The following LMAN2L variants were observed in gnomAD, a reference collection of about 807,000 sequenced individuals.
The protein encoded by LMAN2L is VIP36-like protein.
A neutral mutation model predicts 44.3 loss-of-function variants in LMAN2L; 30 were observed. That is an observed-to-expected ratio of 0.68 (90% confidence interval 0.51 to 0.92). The LOEUF (loss-of-function observed/expected upper bound fraction) is 0.92. Among genes scored for constraint, LMAN2L ranks in the 40% least tolerant of loss-of-function variants. The pLI, the probability that LMAN2L is intolerant of heterozygous loss-of-function variation, is 0.00. For synonymous variants in LMAN2L, 183 were observed against 171.1 expected (o/e 1.07, Z -0.54); for missense variants, 429 against 446.1 (o/e 0.96, Z 0.35).
At chr2:96,710,184 GA>G (rs1303462412) in intron 6 of LMAN2L, among the ~76,000 whole-genome samples, 1 of 152,190 alleles carries the variant, frequency 6.6e-6, no homozygotes, top group Non-Finnish European at 1.5e-5. Context: ...TGCAAAGGGG[GA>G]TAATAAGGCT....
chr2:96,708,219 C>G (rs1039595701), intron 6 of LMAN2L, among the ~76,000 whole-genome samples: 1 of 152,240 alleles, frequency 6.6e-6, no homozygotes, highest in African/African-American at 2.4e-5. Flanking sequence ...GGCTGGGCAG[C>G]AGCAGTGAGC....
chr2:96,739,810 G>A, intron 1 of LMAN2L, 44 bp downstream of exon 1: 1 of 1,597,520 alleles, frequency 6.3e-7, no homozygotes, highest in South Asian at 1.1e-5. Context: ...ATCAAGTCCC[G>A]AAGCCCGCCC....
intron 4 of LMAN2L, among the ~76,000 whole-genome samples, chr2:96,724,138 A>G (rs889664147): frequency 2.0e-5 from 3 of 152,118 alleles, no homozygotes; most frequent in Non-Finnish European, 4.4e-5. Context: ...AATTGATTAA[A>G]TGTGACGTTT....
chr2:96,737,966 C>T lies in LMAN2L; in HGVS notation c.289G>A (p.Ala97Thr). 1 of 1,612,092 alleles carries T rather than the reference C, an allele frequency of 6.2e-7. No individual in the cohort carries two copies. Among genetic ancestry groups the T allele is most frequent in the Non-Finnish European group, 8.5e-7 (1 of 1,178,140 alleles). The change falls in exon 2 of 8, where the codon GCC becomes ACC. Residue 97 changes from alanine to threonine, a missense_variant. Ala to Thr is a moderately conservative substitution (Grantham distance 58). Coordinates refer to ENST00000264963, the MANE Select transcript of LMAN2L (RefSeq NM_030805.4). ...ATTCTTACCACCCGGTTCCACAAGG[C>T]ACCCTGTTTACTTTGCATATCTGGG... Reference protein sequence around the residue: ...LTPDMQSKQGALWNRVPCFLR... With the variant: ...LTPDMQSKQGTLWNRVPCFLR...
At chr2:96,711,148 G>T (rs960493317) in intron 6 of LMAN2L, among the ~76,000 whole-genome samples, 6 of 152,174 alleles carry the variant, frequency 3.9e-5, no homozygotes, top group Admixed American at 6.5e-5. Context: ...TCATGAGAAT[G>T]GTGTTAGTGT....
chr2:96,731,578 G>A (rs966111404), intron 4 of LMAN2L, among the ~76,000 whole-genome samples: 5 of 151,862 alleles, frequency 3.3e-5, no homozygotes, highest in African/African-American at 1.2e-4. Context: ...CCCAGGAGGT[G>A]TATGTAGGTT....
At chr2:96,715,713 C>A (rs572762669) in intron 4 of LMAN2L, among the ~76,000 whole-genome samples, 6 of 152,200 alleles carry the variant, frequency 3.9e-5, no homozygotes, top group South Asian at 4.1e-4. Flanking sequence ...AAGACCTCTA[C>A]GGGATAACTG....
Position 96,738,895 on chromosome 2 carries a change from C to T in LMAN2L, c.188-828G>A, listed in dbSNP as rs914826865. ...AGCTGGGACTACAGGCGCCCGCCAC[C>T]ACACCTGGCTAATTTTTTTGTATTT... On this transcript the variant is annotated intron_variant, in intron 1 of 7. Coordinates refer to ENST00000264963, the MANE Select transcript of LMAN2L (RefSeq NM_030805.4). Among the ~76,000 whole-genome samples, 3 of 152,224 alleles carry T rather than the reference C, an allele frequency of 2.0e-5. No homozygotes were observed. The East Asian group carries it at 5.8e-4, about 29-fold the overall frequency.
chr2:96,721,447 C>G (rs553212232), intron 4 of LMAN2L, among the ~76,000 whole-genome samples: 2 of 150,118 alleles, frequency 1.3e-5, no homozygotes, highest in Non-Finnish European at 3.0e-5. Context: ...ATCCACTCAC[C>G]TTGGTCTCCT....
In LMAN2L at chr2:96,712,013, A is replaced by G; in HGVS notation, c.520T>C (p.Tyr174His). The part of the protein sequence containing the change: ...EEKQQERVFP[Y>H]ISAMVNNGSL... ...CCGTTGTTCACCATGGCTGAGATGTAGGGGAATACCCGCTGGAAAGCAGAG... is the reference window on the plus strand; with the variant it reads ...CCGTTGTTCACCATGGCTGAGATGTGGGGGAATACCCGCTGGAAAGCAGAG... The change falls in exon 5 of 8, where the codon TAC (tyrosine) becomes CAC (histidine). Residue 174 changes from tyrosine to histidine, a missense_variant. By Grantham distance (83) the Tyr-to-His change is moderately conservative. Transcript: ENST00000264963. 1 of 1,614,214 alleles carries G rather than the reference A, an allele frequency of 6.2e-7. No individual in the cohort carries two copies. Among genetic ancestry groups the G allele is most frequent in the Admixed American group, 1.7e-5 (1 of 60,028 alleles).
At chr2:96,735,514 G>A (rs1465246301) in intron 2 of LMAN2L, among the ~76,000 whole-genome samples, 1 of 152,166 alleles carries the variant, frequency 6.6e-6, no homozygotes, top group Non-Finnish European at 1.5e-5. Context: ...TTGTCACTCT[G>A]GATTCTTATC....
Position 96,739,971 on chromosome 2 carries a change from A to G in LMAN2L, c.70T>C (p.Ser24Pro). The G allele has an allele frequency of 6.2e-7, 1 of 1,613,420 alleles. No individual in the cohort carries two copies. Among genetic ancestry groups the G allele is most frequent in the South Asian group, 1.1e-5 (1 of 91,060 alleles). ...AAAAGAAGAAGGAGTAACATCCTGG[A>G]CCCATCCCGAGCCGACAAACATCGC... is the stretch of plus-strand genomic sequence containing the variant. ...WRRCLSARDG[S>P]RMLLLLLLLG... Residue 24 changes from serine (S) to proline (P), a missense_variant, in exon 1 of 8, where the codon TCC (serine) becomes CCC (proline). Ser to Pro is a moderately conservative substitution (Grantham distance 74, BLOSUM62 -1). Transcript: ENST00000264963.
Position 96,739,925 on chromosome 2 carries a change from G to A in LMAN2L, c.116C>T (p.Pro39Leu). 1 of 1,614,056 alleles carries A rather than the reference G, an allele frequency of 6.2e-7. No homozygotes were observed. Among genetic ancestry groups the A allele is most frequent in the Non-Finnish European group, 8.5e-7 (1 of 1,180,018 alleles). ...LLLLLGSGQG[P>L]QQVGAGQTFE... ...CGTTTGACCCGCCCCGACTTGCTGT[G>A]GCCCCTGCCCAGACCCCAACAAAAG... Residue 39 changes from proline to leucine, a missense_variant, in exon 1 of 8, where the codon CCA becomes CTA. By Grantham distance (98) the Pro-to-Leu change is moderately conservative. Coordinates refer to ENST00000264963, the MANE Select transcript of LMAN2L (RefSeq NM_030805.4).
chr2:96,717,704 T>C (rs2078068373), intron 4 of LMAN2L, among the ~76,000 whole-genome samples: 1 of 151,446 alleles, frequency 6.6e-6, no homozygotes, highest in Non-Finnish European at 1.5e-5. Flanking sequence ...ACGGGCATGG[T>C]GTCATATGCC....
chr2:96,717,532 G>A (rs1574005569), intron 4 of LMAN2L, among the ~76,000 whole-genome samples: 3 of 102,762 alleles, frequency 2.9e-5, no homozygotes, highest in South Asian at 5.4e-4. Flanking sequence ...ACCCTGTGTC[G>A]GAAAAAAAAA....
intron 1 of LMAN2L, among the ~76,000 whole-genome samples, chr2:96,739,179 C>A (rs192504577): frequency 7.2e-5 from 11 of 152,206 alleles, no homozygotes; most frequent in African/African-American, 2.4e-4. Context: ...GCACTCCAGG[C>A]ATGTAAGTGA....
intron 4 of LMAN2L, among the ~76,000 whole-genome samples, chr2:96,733,247 T>C (rs1467133264): frequency 1.3e-5 from 2 of 152,164 alleles, no homozygotes; most frequent in Admixed American, 6.5e-5. Context: ...CAACCAAACA[T>C]GCTCAATTTT....
intron 4 of LMAN2L, among the ~76,000 whole-genome samples, chr2:96,723,288 G>A (rs2078197859): frequency 6.6e-6 from 1 of 152,108 alleles, no homozygotes; most frequent in Admixed American, 6.6e-5. Flanking sequence ...TGTCCCTGAT[G>A]GCTGATGATG....
intron 6 of LMAN2L, among the ~76,000 whole-genome samples, chr2:96,709,904 C>G (rs1386134458): frequency 6.6e-6 from 1 of 152,218 alleles, no homozygotes; most frequent in Non-Finnish European, 1.5e-5. Context: ...TTATTCTCCC[C>G]TGCCATTTCT....
Sources: allele counts gnomAD v4.1 joint callset (sites outside exome capture counted in the v4.1 genomes callset), GRCh38; gene constraint gnomAD v4.1.1; transcripts MANE v1.5; gene names NCBI Gene and HGNC (gene_info 2026-07-23, HGNC 2026-07-21).